The following NT5DC1 variants were observed in gnomAD, a reference collection of about 807,000 sequenced individuals.
NT5DC1 encodes the protein 5'-nucleotidase domain-containing protein 1.
NT5DC1 carries 42 observed loss-of-function variants against 59.4 expected under a neutral mutation model. That is an observed-to-expected ratio of 0.71 (90% CI 0.55 to 0.92). The LOEUF (loss-of-function observed/expected upper bound fraction) is 0.92, where lower values mean the gene tolerates loss of function less well. Among genes scored for constraint, NT5DC1 ranks in the 40% least tolerant of loss-of-function variants. NT5DC1 has a pLI of 0.00. For synonymous variants in NT5DC1, 172 were observed against 188.1 expected, an observed-to-expected ratio of 0.91 and a Z score of 0.70; for missense variants, 501 against 537.1, an observed-to-expected ratio of 0.93 and a Z score of 0.66.
intron 8 of NT5DC1, among the ~76,000 whole-genome samples, chr6:116,230,817 G>A (rs1782004412): frequency 6.6e-6 from 1 of 152,210 alleles, no homozygotes; most frequent in African/African-American, 2.4e-5. Flanking sequence ...GTCAGCGGAT[G>A]TTAGTGCTGA....
chr6:116,230,836 G>A (rs77203419), intron 8 of NT5DC1, among the ~76,000 whole-genome samples: 2,177 of 152,244 alleles, frequency 0.014, 65 homozygotes, highest in African/African-American at 0.05. Flanking sequence ...GAGGGGTGCA[G>A]CTGTCTGCAG....
chr6:116,146,573 ATTG>A (rs1377282535), intron 6 of NT5DC1, among the ~76,000 whole-genome samples: 1 of 152,220 alleles, frequency 6.6e-6, no homozygotes, highest in Non-Finnish European at 1.5e-5. Context: ...TAAATAAATT[ATTG>A]TTAAATGAAT....
Position 116,236,244 on chromosome 6 carries a change from T to A in NT5DC1, c.803-722T>A, listed in dbSNP as rs1782112334. Among the ~76,000 whole-genome samples the A allele has an allele frequency of 2.0e-5, 3 of 152,250 alleles. No homozygotes were observed. The South Asian group carries it at 6.2e-4, about 31-fold the overall frequency. ...TCTGCTGATAGATATATCATGTATT[T>A]CATAAAACCTTACTCAATCTTCCTT... On this transcript the variant is annotated intron_variant, in intron 8 of 11. Transcript: ENST00000319550.
At chr6:116,126,679 C>T (rs183906210) in intron 6 of NT5DC1, among the ~76,000 whole-genome samples, 2 of 152,216 alleles carry the variant, frequency 1.3e-5, no homozygotes, top group Admixed American at 6.5e-5. Context: ...CACAACACTA[C>T]GCTATATTCA....
intron 6 of NT5DC1, among the ~76,000 whole-genome samples, chr6:116,130,689 T>G (rs1021031699): frequency 1.3e-5 from 2 of 152,084 alleles, no homozygotes; most frequent in African/African-American, 4.8e-5. Flanking sequence ...GATAACATTT[T>G]ACTGATGTAG....
chr6:116,180,418 A>T (rs1191264135), intron 6 of NT5DC1, among the ~76,000 whole-genome samples: 1 of 152,110 alleles, frequency 6.6e-6, no homozygotes. Flanking sequence ...GATATGTCAC[A>T]CTTTATAATC....
intron 6 of NT5DC1, among the ~76,000 whole-genome samples, chr6:116,168,411 G>C (rs1780526650): frequency 6.6e-6 from 1 of 151,726 alleles, no homozygotes; most frequent in South Asian, 2.1e-4. Context: ...TTTGATTACT[G>C]TATTTTTCAG....
intron 4 of NT5DC1, among the ~76,000 whole-genome samples, chr6:116,111,166 T>G (rs889577400): frequency 1.3e-5 from 2 of 152,240 alleles, no homozygotes; most frequent in Non-Finnish European, 2.9e-5. Context: ...CACAGAAGAT[T>G]TTATTGGCAC....
chr6:116,116,458 A>C (rs9488840), intron 5 of NT5DC1, among the ~76,000 whole-genome samples: 1 of 151,984 alleles, frequency 6.6e-6, no homozygotes, highest in Non-Finnish European at 1.5e-5. Context: ...CCTGGCCAAT[A>C]TGGTGAAACC....
At chr6:116,214,575 C>T (rs1781654072) in intron 6 of NT5DC1, among the ~76,000 whole-genome samples, 1 of 152,028 alleles carries the variant, frequency 6.6e-6, no homozygotes, top group Admixed American at 6.6e-5. Flanking sequence ...TAGAAATGCA[C>T]ATCTTCAGGC....
At chr6:116,227,092 AC>A (rs1781925202) in intron 8 of NT5DC1, among the ~76,000 whole-genome samples, 1 of 152,092 alleles carries the variant, frequency 6.6e-6, no homozygotes, top group African/African-American at 2.4e-5. Flanking sequence ...TATTCCTCCT[AC>A]CTGAAATTTT....
intron 6 of NT5DC1, among the ~76,000 whole-genome samples, chr6:116,135,543 G>A (rs1331429217): frequency 1.3e-5 from 2 of 151,264 alleles, no homozygotes; most frequent in African/African-American, 4.9e-5. Flanking sequence ...AAAATCTTAG[G>A]TAATATTCCA....
intron 6 of NT5DC1, among the ~76,000 whole-genome samples, chr6:116,208,339 C>T (rs922524190): frequency 7.2e-5 from 11 of 151,992 alleles, no homozygotes; most frequent in African/African-American, 2.7e-4. Flanking sequence ...GGGCTGACTT[C>T]TGTTGAAAAC....
chr6:116,150,367 C>T (rs976306778), intron 6 of NT5DC1, among the ~76,000 whole-genome samples: 2 of 152,110 alleles, frequency 1.3e-5, no homozygotes, highest in Non-Finnish European at 2.9e-5. Flanking sequence ...TCACTGCAAC[C>T]TCCACCTCCC....
intron 6 of NT5DC1, among the ~76,000 whole-genome samples, chr6:116,144,839 T>C (rs1269507260): frequency 1.3e-5 from 2 of 152,078 alleles, no homozygotes; most frequent in Non-Finnish European, 2.9e-5. Flanking sequence ...ATATGCATGA[T>C]AGGAGAATGA....
At chr6:116,238,464 TAAAAA>T (rs56266433) in intron 10 of NT5DC1, 116 bp downstream of exon 10, 193 of 257,452 alleles carry the variant, frequency 7.5e-4, no homozygotes, top group East Asian at 1.3e-3. Context: ...ACCATCATGT[TAAAAA>T]AAAAAAAAAA....
At chr6:116,204,022 GA>G (rs527909642) in intron 6 of NT5DC1, among the ~76,000 whole-genome samples, 2 of 151,454 alleles carry the variant, frequency 1.3e-5, no homozygotes, top group Non-Finnish European at 3.0e-5. Context: ...TAGACCCGCT[GA>G]AAAAAAACCC....
chr6:116,118,999 T>C (rs1779025666), intron 6 of NT5DC1: 2 of 152,598 alleles, frequency 1.3e-5, no homozygotes, highest in Admixed American at 6.5e-5. Flanking sequence ...AGCAAATTGC[T>C]GCTTTCAAAT....
chr6:116,100,996 T>A lies in NT5DC1; in HGVS notation c.66T>A (p.Cys22Ter). Reference sequence around the variant, plus strand: ...GATTCGACCTGGACCACACTCTGTGTCGCTACAACCTGCCCGAGAGCGCCC... The same window carrying A: ...GATTCGACCTGGACCACACTCTGTGACGCTACAACCTGCCCGAGAGCGCCC... ...VVGFDLDHTLCRYNLPESAPL... is the reference protein window; with the variant it reads ...VVGFDLDHTL The change falls in exon 1 of 12, where the codon TGT becomes TGA. Residue 22 changes from cysteine to a stop codon, truncating the protein, a stop_gained. Transcript: ENST00000319550. LOFTEE classifies it high-confidence loss of function. The A allele has an allele frequency of 6.2e-7, 1 of 1,603,142 alleles. No homozygotes were observed. The highest frequency in any genetic ancestry group is 8.5e-7 in the Non-Finnish European group (1 of 1,176,208).
Sources: allele counts gnomAD v4.1 joint callset (sites outside exome capture counted in the v4.1 genomes callset), GRCh38; gene constraint gnomAD v4.1.1; transcripts MANE v1.5; gene names NCBI Gene and HGNC (gene_info 2026-07-23, HGNC 2026-07-21).